Variants in MACROD2 observed in about 807,000 individuals in gnomAD.
MACROD2 encodes the protein mono-ADP ribosylhydrolase 2.
Under a neutral mutation model 70.4 loss-of-function variants are expected in MACROD2, and 36 were observed. The observed-to-expected ratio is 0.51, with a 90% CI of 0.39 to 0.68. MACROD2 has a LOEUF of 0.68. Among genes scored for constraint, MACROD2 ranks in the 30% least tolerant of loss-of-function variants. The probability of loss-of-function intolerance (pLI) is 0.00; values close to 1 mark genes in which losing one functional copy is unlikely to be tolerated. For synonymous variants in MACROD2, 172 were observed against 178.8 expected (o/e 0.96, Z 0.30); for missense variants, 496 against 538.4 (o/e 0.92, Z 0.78).
intron 3 of MACROD2, among the ~76,000 whole-genome samples, chr20:14,226,778 C>T (rs1376473332): frequency 6.6e-6 from 1 of 152,254 alleles, no homozygotes; most frequent in South Asian, 2.1e-4. Context: ...CCCGCCATGC[C>T]TGAGCCTCCC....
intron 8 of MACROD2, among the ~76,000 whole-genome samples, chr20:15,598,037 C>A (rs1600648872): frequency 1.1e-3 from 1 of 882 alleles, no homozygotes; most frequent in East Asian, 0.016. Context: ...CAAGATTGTG[C>A]CCACTGCACT....
chr20:15,679,425 G>T (rs1023090471), intron 8 of MACROD2, among the ~76,000 whole-genome samples: 1 of 151,966 alleles, frequency 6.6e-6, no homozygotes, highest in African/African-American at 2.4e-5. Context: ...TGCCTTTACT[G>T]TGGCAGCTAG....
intron 3 of MACROD2, among the ~76,000 whole-genome samples, chr20:14,376,252 TTTTTA>T (rs2083369402): frequency 6.6e-6 from 1 of 152,214 alleles, no homozygotes; most frequent in African/African-American, 2.4e-5. Context: ...TTCCTATGCC[TTTTTA>T]TTTAAATTTT....
chr20:15,921,681 T>C (rs2065409717), intron 10 of MACROD2, among the ~76,000 whole-genome samples: 1 of 152,258 alleles, frequency 6.6e-6, no homozygotes, highest in African/African-American at 2.4e-5. Flanking sequence ...CTGAGGATAC[T>C]ATATTTGCGT....
At chr20:14,894,772 A>G (rs1446696942) in intron 5 of MACROD2, 1 of 152,166 alleles carries the variant, frequency 6.6e-6, no homozygotes, top group East Asian at 1.9e-4. Flanking sequence ...ATTTTATCAT[A>G]TTGATTTCAG....
At chr20:15,934,490 A>G (rs1443334002) in intron 11 of MACROD2, among the ~76,000 whole-genome samples, 1 of 151,542 alleles carries the variant, frequency 6.6e-6, no homozygotes, top group East Asian at 1.9e-4. Context: ...TTGTTATCCA[A>G]CCCTCCCCCA....
At chr20:14,678,083 G>A (rs1011574584) in intron 4 of MACROD2, among the ~76,000 whole-genome samples, 1 of 152,086 alleles carries the variant, frequency 6.6e-6, no homozygotes, top group South Asian at 2.1e-4. Flanking sequence ...AGTGGGAGTG[G>A]AGCTGTGTTC....
At chr20:15,474,590 G>T (rs1004486896) in intron 7 of MACROD2, among the ~76,000 whole-genome samples, 2 of 152,166 alleles carry the variant, frequency 1.3e-5, no homozygotes, top group African/African-American at 4.8e-5. Context: ...TTAAAAATGA[G>T]CAATCGGAAA....
chr20:15,362,766 T>C (rs6131667), intron 6 of MACROD2, among the ~76,000 whole-genome samples: 29,595 of 152,072 alleles, frequency 0.19, 3,022 homozygotes, highest in Non-Finnish European at 0.22. Flanking sequence ...GTTGATATGA[T>C]TATTCATTAT....
intron 5 of MACROD2, among the ~76,000 whole-genome samples, chr20:15,164,534 T>C (rs1601163625): frequency 6.6e-6 from 1 of 152,256 alleles, no homozygotes; most frequent in East Asian, 1.9e-4. Flanking sequence ...AATCAAGGTG[T>C]ATGTTTAATT....
chr20:15,978,306 T>C (rs908365518), intron 13 of MACROD2, among the ~76,000 whole-genome samples: 15 of 152,150 alleles, frequency 9.9e-5, no homozygotes, highest in African/African-American at 3.4e-4. Context: ...CCTGGACCCT[T>C]ATCTAGGCAC....
intron 8 of MACROD2, chr20:15,552,235 C>A (rs576362274): frequency 6.6e-6 from 1 of 152,174 alleles, no homozygotes; most frequent in Non-Finnish European, 1.5e-5. Context: ...TGTTTATTGA[C>A]AGCTTGTAAA....
chr20:14,797,915 T>G (rs138561070), intron 5 of MACROD2, among the ~76,000 whole-genome samples: 48 of 152,172 alleles, frequency 3.2e-4, no homozygotes, highest in Non-Finnish European at 6.5e-4. Context: ...CGGAGAAACA[T>G]AAGGCTGACT....
intron 8 of MACROD2, among the ~76,000 whole-genome samples, chr20:15,546,240 C>A (rs2048024626): frequency 6.6e-6 from 1 of 151,736 alleles, no homozygotes; most frequent in African/African-American, 2.4e-5. Flanking sequence ...AGCAAAACTC[C>A]ATCTCAAAAA....
intron 15 of MACROD2, among the ~76,000 whole-genome samples, chr20:16,003,862 G>C (rs2066749629): frequency 6.6e-6 from 1 of 152,086 alleles, no homozygotes; most frequent in African/African-American, 2.4e-5. Flanking sequence ...GCAGAGACAG[G>C]GTTTCACCAT....
At chr20:14,135,737 A>T (rs2054787028) in intron 3 of MACROD2, among the ~76,000 whole-genome samples, 1 of 152,168 alleles carries the variant, frequency 6.6e-6, no homozygotes, top group Non-Finnish European at 1.5e-5. Flanking sequence ...GACAAAATTC[A>T]CTATTTGCTC....
chr20:14,314,987 G>GGAAAGCAAACTGGAAAGCAAAAA (rs2082600914), intron 3 of MACROD2, among the ~76,000 whole-genome samples: 3 of 152,010 alleles, frequency 2.0e-5, no homozygotes, highest in Non-Finnish European at 4.4e-5. Context: ...GCAAACCTAG[G>GGAAAGCAAACTGGAAAGCAAAAA]TCTGTCTAAT....
intron 5 of MACROD2, chr20:14,757,967 G>C (rs573118194): frequency 2.2e-6 from 2 of 898,458 alleles, no homozygotes; most frequent in Non-Finnish European, 3.7e-6. Flanking sequence ...CCCTGGTGCC[G>C]ACAAGAAAGC....
chr20:15,411,043 A>G (rs904239301), intron 6 of MACROD2, among the ~76,000 whole-genome samples: 6 of 152,096 alleles, frequency 3.9e-5, no homozygotes, highest in Admixed American at 6.5e-5. Flanking sequence ...CTTGTTAGCT[A>G]AACTTATGCT....
Sources: gnomAD v4.1 joint callset for allele counts (sites outside exome capture counted in the v4.1 genomes callset) on GRCh38, gnomAD v4.1.1 for gene constraint, MANE v1.5 for transcripts, NCBI Gene and HGNC (gene_info 2026-07-23, HGNC 2026-07-21) for gene names.